CDH8: variants seen among roughly 807,000 people sequenced by gnomAD.
The protein encoded by CDH8 is cadherin 8.
CDH8 carries 17 observed loss-of-function variants against 68.1 expected under a neutral mutation model. That is an observed-to-expected ratio of 0.25 (90% CI 0.17 to 0.37). CDH8 has a LOEUF of 0.37. Ranked by LOEUF, CDH8 falls within the 10% of genes least tolerant of loss-of-function variation. CDH8 has a pLI of 1.00. For missense variants in CDH8, 763 were observed against 999.3 expected, an observed-to-expected ratio of 0.76 and a Z score of 3.19; for synonymous variants, 372 against 365.1, an observed-to-expected ratio of 1.02 and a Z score of -0.21.
chr16:61,800,610 C>T (rs563893183), intron 7 of CDH8, among the ~76,000 whole-genome samples: 23 of 152,288 alleles, frequency 1.5e-4, no homozygotes, highest in Admixed American at 7.2e-4. Context: ...GGTAGATCAT[C>T]CCAAACTTGA....
chr16:61,679,898 G>A (rs868402318), intron 10 of CDH8, among the ~76,000 whole-genome samples: 7 of 152,014 alleles, frequency 4.6e-5, no homozygotes, highest in Middle Eastern at 3.4e-3. Context: ...TTAAACAACC[G>A]AAAAGAATTA....
chr16:61,779,896 T>G (rs1961002575), intron 8 of CDH8, among the ~76,000 whole-genome samples: 1 of 152,154 alleles, frequency 6.6e-6, no homozygotes, highest in Non-Finnish European at 1.5e-5. Flanking sequence ...AAGCTCAAAT[T>G]GAGCAAGAAG....
chr16:61,793,830 C>T (rs186706955), intron 7 of CDH8, among the ~76,000 whole-genome samples: 137 of 152,172 alleles, frequency 9.0e-4, no homozygotes, highest in Non-Finnish European at 1.4e-3. Context: ...AATCACCACA[C>T]TGCCTTCCAC....
intron 3 of CDH8, among the ~76,000 whole-genome samples, chr16:61,873,697 G>T (rs891948952): frequency 6.6e-6 from 1 of 152,100 alleles, no homozygotes; most frequent in Non-Finnish European, 1.5e-5. Flanking sequence ...GTTTTTCAAT[G>T]CTGGGCTGAG....
At chr16:61,952,266 A>C (rs905432358) in intron 2 of CDH8, among the ~76,000 whole-genome samples, 9 of 152,232 alleles carry the variant, frequency 5.9e-5, no homozygotes, top group Non-Finnish European at 1.3e-4. Context: ...TCCATTCATT[A>C]ATTAATTCAA....
At chr16:61,991,135 A>T (rs1213263241) in intron 2 of CDH8, among the ~76,000 whole-genome samples, 1 of 152,136 alleles carries the variant, frequency 6.6e-6, no homozygotes, top group Non-Finnish European at 1.5e-5. Context: ...GCTATAAATC[A>T]TATATGCATA....
chr16:61,866,631 T>A (rs1347585), intron 3 of CDH8, among the ~76,000 whole-genome samples: 83,416 of 151,782 alleles, frequency 0.55, 25,729 homozygotes, highest in African/African-American at 0.85. Context: ...TTCTGTTGAC[T>A]TTATTTGATT....
intron 2 of CDH8, among the ~76,000 whole-genome samples, chr16:61,954,060 A>T (rs1429434391): frequency 6.6e-6 from 1 of 151,880 alleles, no homozygotes; most frequent in African/African-American, 2.4e-5. Flanking sequence ...CCAACTCCAT[A>T]AAATCGTCTC....
At chr16:61,755,660 T>C (rs1278535782) in intron 8 of CDH8, among the ~76,000 whole-genome samples, 1 of 152,170 alleles carries the variant, frequency 6.6e-6, no homozygotes, top group East Asian at 1.9e-4. Flanking sequence ...TTTTATTTTA[T>C]TTTATTTATT....
Position 61,789,413 on chromosome 16 carries a change from C to T in CDH8, c.1347G>A (p.Thr449=). 3.1e-6 allele frequency: 5 copies of T among 1,612,994 alleles called. No individual in the cohort carries two copies. In the South Asian group the frequency reaches 3.3e-5, roughly 11 times the overall value. ...FNINADDGKI[T]LATPLDRELS... is the part of the protein sequence containing the mutation. ...ATTCTCTGTCAAGTGGTGTTGCCAG[C>T]GTTATCTTCCCATCGTCTGCATTAA... is the stretch of plus-strand genomic sequence containing the variant. The change falls in exon 8 of 12, where the codon ACG becomes ACA. Residue 449 remains threonine (T), a synonymous_variant. Transcript: ENST00000577390.
At chr16:61,835,756 T>C (rs1291336195) in intron 4 of CDH8, among the ~76,000 whole-genome samples, 1 of 152,002 alleles carries the variant, frequency 6.6e-6, no homozygotes, top group Non-Finnish European at 1.5e-5. Context: ...ATTACACGTA[T>C]AATAAGTATA....
Position 61,653,602 on chromosome 16 carries a change from C to T in CDH8, c.*6G>A, listed in dbSNP as rs1341520401. On this transcript the variant is annotated 3_prime_UTR_variant, in exon 12 of 12. Transcript: ENST00000577390. The stretch of plus-strand genomic sequence containing the variant: ...TCAGTTCCAGTGATTTATTTATAAT[C>T]CACTGTCAAGTTTCTTTGTCACTTT... The T allele has an allele frequency of 1.2e-6, 2 of 1,600,854 alleles. No individual in the cohort carries two copies. Among genetic ancestry groups the T allele is most frequent in the Non-Finnish European group, 1.7e-6 (2 of 1,174,370 alleles).
intron 10 of CDH8, among the ~76,000 whole-genome samples, chr16:61,686,228 A>G (rs796932446): frequency 6.6e-6 from 1 of 151,992 alleles, no homozygotes; most frequent in South Asian, 2.1e-4. Flanking sequence ...ATAATGATCA[A>G]TATTCGTCCA....
intron 2 of CDH8, among the ~76,000 whole-genome samples, chr16:61,944,866 T>G (rs1010262221): frequency 6.6e-6 from 1 of 152,138 alleles, no homozygotes; most frequent in Non-Finnish European, 1.5e-5. Flanking sequence ...CAAGGATGTC[T>G]GTCAATAATG....
At chr16:61,764,513 T>C (rs1363590040) in intron 8 of CDH8, among the ~76,000 whole-genome samples, 4 of 152,126 alleles carry the variant, frequency 2.6e-5, no homozygotes, top group African/African-American at 9.6e-5. Flanking sequence ...GTAACCATTT[T>C]ACATGCCAGC....
At chr16:61,925,636 CCA>C (rs1161391211) in intron 2 of CDH8, among the ~76,000 whole-genome samples, 1 of 152,120 alleles carries the variant, frequency 6.6e-6, no homozygotes, top group Non-Finnish European at 1.5e-5. Flanking sequence ...AAGAATCACT[CCA>C]CACTCATTTC....
At chr16:61,833,964 A>C (rs1050122774) in intron 4 of CDH8, among the ~76,000 whole-genome samples, 2 of 151,870 alleles carry the variant, frequency 1.3e-5, no homozygotes, top group Non-Finnish European at 1.5e-5. Flanking sequence ...CCTGCTAGCA[A>C]AGTAATGGGT....
At chr16:61,979,872 A>G (rs1459923197) in intron 2 of CDH8, among the ~76,000 whole-genome samples, 1 of 152,238 alleles carries the variant, frequency 6.6e-6, no homozygotes, top group Non-Finnish European at 1.5e-5. Context: ...CTTTCAAGAC[A>G]GAGCAATTTA....
At chr16:61,797,089 C>CTG (rs899296713) in intron 7 of CDH8, among the ~76,000 whole-genome samples, 10 of 151,666 alleles carry the variant, frequency 6.6e-5, no homozygotes, top group East Asian at 1.9e-4. Flanking sequence ...CCACCTCTTT[C>CTG]TGTGTGTGTG....
Sources: gnomAD v4.1 joint callset for allele counts (sites outside exome capture counted in the v4.1 genomes callset) on GRCh38, gnomAD v4.1.1 for gene constraint, MANE v1.5 for transcripts, NCBI Gene and HGNC (gene_info 2026-07-23, HGNC 2026-07-21) for gene names.